Variants in CORO2B observed in about 807,000 individuals in gnomAD.
CORO2B encodes the protein coronin-2B.
CORO2B carries 26 observed loss-of-function variants against 58.8 expected under a neutral mutation model. The ratio of observed to expected loss-of-function variants is 0.44; its 90% CI spans 0.32 to 0.61. The LOEUF (loss-of-function observed/expected upper bound fraction) is 0.61, where lower values mean the gene tolerates loss of function less well. CORO2B is among the 20% of genes least tolerant of loss of function. The probability of loss-of-function intolerance (pLI) is 0.04; values close to 1 mark genes in which losing one functional copy is unlikely to be tolerated. For missense variants in CORO2B, 460 were observed against 645.1 expected, an observed-to-expected ratio of 0.71 and a Z score of 3.11; for synonymous variants, 242 against 253.8, an observed-to-expected ratio of 0.95 and a Z score of 0.44.
the CORO2B span, among the ~76,000 whole-genome samples, chr15:68,548,785 G>A: frequency 2.6e-5 from 4 of 152,316 alleles, no homozygotes; most frequent in South Asian, 8.3e-4. Context: ...GGTACAACCA[G>A]TGAGGTTGAA....
At chr15:68,548,171 A>T in the CORO2B span, among the ~76,000 whole-genome samples, 1 of 64,580 alleles carries the variant, frequency 1.5e-5, no homozygotes, top group African/African-American at 5.6e-5. Flanking sequence ...ATTCCATCTT[A>T]AAAATATATA....
chr15:68,606,135 C>T (rs1900117810), intron 1 of CORO2B, among the ~76,000 whole-genome samples: 1 of 151,926 alleles, frequency 6.6e-6, no homozygotes, highest in Admixed American at 6.6e-5. Context: ...TTTAGCTCTA[C>T]CATGTTAGGT....
At chr15:68,536,340 G>T in the CORO2B span, among the ~76,000 whole-genome samples, 1 of 152,196 alleles carries the variant, frequency 6.6e-6, no homozygotes, top group Non-Finnish European at 1.5e-5. Context: ...ACTTGCAAAG[G>T]TTGGTTTATT....
In CORO2B at chr15:68,664,571, C is replaced by T. The variant is rs572499932; in HGVS notation, c.216+19211C>T. ...CTGAGGCAGGAGAATGGCGTGAACC[C>T]GGGAGGCAGATCTTGCAGTGAGCCA... On this transcript the variant is annotated intron_variant, in intron 2 of 11. Transcript: ENST00000261861. 2.6e-5 allele frequency among the ~76,000 whole-genome samples: 4 copies of T among 152,004 alleles called. No individual in the cohort carries two copies. The East Asian group carries it at 5.8e-4, about 22-fold the overall frequency.
intron 2 of CORO2B, among the ~76,000 whole-genome samples, chr15:68,683,747 C>G (rs965008003): frequency 6.6e-6 from 1 of 152,194 alleles, no homozygotes; most frequent in East Asian, 1.9e-4. Context: ...TTCTACCTCT[C>G]GGCAAGAGAG....
chr15:68,541,585 G>A, the CORO2B span, among the ~76,000 whole-genome samples: 111,872 of 152,076 alleles, frequency 0.74, 41,519 homozygotes, highest in East Asian at 0.9. Context: ...GTTAGTTTCA[G>A]CAAAACAACA....
rs189803921 is a variant in CORO2B at position 68,625,295 on chromosome 15, C to T, written c.16-19865C>T. Among the ~76,000 whole-genome samples, 286 of 149,836 alleles carry T rather than the reference C, an allele frequency of 1.9e-3. 2 individuals are homozygous for T. Among genetic ancestry groups the T allele is most frequent in the South Asian group, 4.4e-3 (21 of 4,790 alleles). The stretch of plus-strand genomic sequence containing the variant: ...ATTTTTTTTTTTAACTCGGGTTCTT[C>T]GAGGTATAATTTACATGCATTAAAA... On this transcript the variant is annotated intron_variant, in intron 1 of 11. Coordinates refer to ENST00000261861, the MANE Select transcript of CORO2B (RefSeq NM_006091.5).
chr15:68,694,619 C>T (rs950759557), intron 2 of CORO2B, among the ~76,000 whole-genome samples: 2 of 152,186 alleles, frequency 1.3e-5, no homozygotes, highest in African/African-American at 4.8e-5. Context: ...TCAGACCTCT[C>T]TGCTGACTCC....
the CORO2B span, among the ~76,000 whole-genome samples, chr15:68,523,785 C>A: frequency 6.6e-6 from 1 of 152,190 alleles, no homozygotes. Flanking sequence ...CTACCAGGCC[C>A]TGCAGCCTCC....
chr15:68,643,903 G>A (rs542307817), intron 1 of CORO2B, among the ~76,000 whole-genome samples: 1 of 152,078 alleles, frequency 6.6e-6, no homozygotes, highest in Admixed American at 6.5e-5. Flanking sequence ...TGGGCGTGGT[G>A]GTGGGCCCCT....
intron 3 of CORO2B, among the ~76,000 whole-genome samples, chr15:68,698,317 G>T (rs557424728): frequency 2.0e-5 from 3 of 152,284 alleles, no homozygotes; most frequent in East Asian, 1.9e-4. Context: ...ATGTAGGGGG[G>T]ACAAATTAGA....
At chr15:68,625,673 C>T (rs895699913) in intron 1 of CORO2B, among the ~76,000 whole-genome samples, 4 of 152,000 alleles carry the variant, frequency 2.6e-5, no homozygotes, top group African/African-American at 4.8e-5. Context: ...GGTATGAACA[C>T]GGCTCACTGC....
At chr15:68,656,249 G>A (rs541898322) in intron 2 of CORO2B, among the ~76,000 whole-genome samples, 29 of 150,622 alleles carry the variant, frequency 1.9e-4, no homozygotes, top group Middle Eastern at 3.4e-3. Context: ...AGGAAGAAGG[G>A]TTGGTCCCAG....
chr15:68,683,844 A>G (rs1902874281), intron 2 of CORO2B, among the ~76,000 whole-genome samples: 1 of 152,152 alleles, frequency 6.6e-6, no homozygotes. Flanking sequence ...CTCAGTGAGG[A>G]AGGAGCATTG....
At chr15:68,621,137 G>GT (rs1900504579) in intron 1 of CORO2B, among the ~76,000 whole-genome samples, 1 of 152,200 alleles carries the variant, frequency 6.6e-6, no homozygotes, top group African/African-American at 2.4e-5. Flanking sequence ...CAGTGCAGGT[G>GT]TAGGGACCCT....
At chr15:68,561,561 G>GAGGC in the CORO2B span, among the ~76,000 whole-genome samples, 1 of 152,192 alleles carries the variant, frequency 6.6e-6, no homozygotes, top group African/African-American at 2.4e-5. Flanking sequence ...TGCAGGGAGG[G>GAGGC]AGGCAGACAG....
At chr15:68,696,383 T>C (rs1241751145) in intron 3 of CORO2B, among the ~76,000 whole-genome samples, 1 of 151,470 alleles carries the variant, frequency 6.6e-6, no homozygotes, top group Non-Finnish European at 1.5e-5. Context: ...ACCCCATCTC[T>C]ACTAAAAAGA....
chr15:68,564,760 A>G, the CORO2B span, among the ~76,000 whole-genome samples: 4 of 152,248 alleles, frequency 2.6e-5, no homozygotes, highest in Non-Finnish European at 4.4e-5. Context: ...CGGTCAAATC[A>G]TATCAATGTT....
At chr15:68,532,775 A>G in the CORO2B span, among the ~76,000 whole-genome samples, 1 of 152,188 alleles carries the variant, frequency 6.6e-6, no homozygotes, top group Non-Finnish European at 1.5e-5. Flanking sequence ...AGGAGGGTAA[A>G]TTGCCAAAGG....
Sources: gnomAD v4.1 joint callset for allele counts (sites outside exome capture counted in the v4.1 genomes callset) on GRCh38, gnomAD v4.1.1 for gene constraint, MANE v1.5 for transcripts, NCBI Gene and HGNC (gene_info 2026-07-23, HGNC 2026-07-21) for gene names.